The following SDK1 variants were observed in gnomAD, a reference collection of about 807,000 sequenced individuals.
SDK1 encodes sidekick cell adhesion molecule 1.
SDK1 carries 157 observed loss-of-function variants against 245.5 expected under a neutral mutation model. That is an observed-to-expected ratio of 0.64 (90% confidence interval 0.56 to 0.73). The LOEUF (loss-of-function observed/expected upper bound fraction) is 0.73. Ranked by LOEUF, SDK1 falls within the 30% of genes least tolerant of loss-of-function variation. The probability of loss-of-function intolerance (pLI) is 0.00; values close to 1 mark genes in which losing one functional copy is unlikely to be tolerated. For missense variants in SDK1, 3,583 were observed against 3,002.3 expected (o/e 1.19, Z -4.52); for synonymous variants, 1,647 against 1,278.5 (o/e 1.29, Z -6.15).
chr7:4,127,396 CT>C lies in SDK1; in HGVS notation c.3840del (p.Glu1281ArgfsTer15). Reference protein sequence around the residue: ...RTRESVPSAAPENVSAEAVSS... With the variant: ...RTRESVPSAAXENVSAEAVSS... ...TTCTTTGCAGTTCCTTCAGCCGCCC[CT>C]GAGAACGTGTCAGCCGAGGCTGTCA... On this transcript the variant is annotated frameshift_variant, in exon 26 of 45. Transcript: ENST00000404826. LOFTEE classifies it high-confidence loss of function. The C allele has an allele frequency of 1.2e-6, 2 of 1,614,172 alleles. No individual in the cohort carries two copies. Among genetic ancestry groups the C allele is most frequent in the African/African-American group, 1.3e-5 (1 of 75,060 alleles).
At chr7:4,188,826 T>C (rs1783032487) in intron 35 of SDK1, among the ~76,000 whole-genome samples, 1 of 152,246 alleles carries the variant, frequency 6.6e-6, no homozygotes, top group Admixed American at 6.5e-5. Context: ...TTTAATTGCT[T>C]TGTGGTGCGT....
At chr7:3,671,357 A>T (rs548098947) in intron 4 of SDK1, among the ~76,000 whole-genome samples, 1 of 152,316 alleles carries the variant, frequency 6.6e-6, no homozygotes, top group Admixed American at 6.5e-5. Flanking sequence ...TTTTAAACCA[A>T]TTTTTAAATA....
Position 4,208,199 on chromosome 7 carries a change from C to G in SDK1, c.5315C>G (p.Thr1772Ser). 1 of 1,614,048 alleles carries G rather than the reference C, an allele frequency of 6.2e-7. No homozygotes were observed. The highest frequency in any genetic ancestry group is 8.5e-7 in the Non-Finnish European group (1 of 1,179,936). ...AGGCTGAAGAACCTGACCAGCCATA[C>G]CAAGTACCTGGTCAGCATATCAGCC... ...VVRLKNLTSH[T>S]KYLVSISAFN... The change falls in exon 37 of 45, where the codon ACC becomes AGC. Residue 1772 changes from threonine to serine, a missense_variant. By Grantham distance (58) the Thr-to-Ser change is moderately conservative. Coordinates refer to ENST00000404826, the MANE Select transcript of SDK1 (RefSeq NM_152744.4).
chr7:3,443,451 G>A (rs1008043427), intron 1 of SDK1, among the ~76,000 whole-genome samples: 5 of 152,178 alleles, frequency 3.3e-5, no homozygotes, highest in African/African-American at 9.7e-5. Flanking sequence ...TGTCAGCCAT[G>A]CTAATAAAAT....
chr7:3,504,851 A>G (rs1443692392), intron 1 of SDK1, among the ~76,000 whole-genome samples: 1 of 152,094 alleles, frequency 6.6e-6, no homozygotes, highest in East Asian at 1.9e-4. Flanking sequence ...ACAGCCTGGC[A>G]GTTCCTGAAA....
intron 17 of SDK1, among the ~76,000 whole-genome samples, chr7:4,019,960 G>A (rs540299689): frequency 6.6e-6 from 1 of 152,130 alleles, no homozygotes; most frequent in African/African-American, 2.4e-5. Context: ...TCGGACTCCC[G>A]TGTGCTCAGT....
At chr7:3,485,125 G>A (rs1011383849) in intron 1 of SDK1, among the ~76,000 whole-genome samples, 2 of 152,054 alleles carry the variant, frequency 1.3e-5, no homozygotes, top group Non-Finnish European at 2.9e-5. Context: ...CACCAAGACC[G>A]TATGAACATT....
intron 4 of SDK1, among the ~76,000 whole-genome samples, chr7:3,794,026 A>G (rs763594568): frequency 6.6e-6 from 1 of 152,172 alleles, no homozygotes; most frequent in Non-Finnish European, 1.5e-5. Flanking sequence ...CAGACTTACC[A>G]CATGCCAAAT....
intron 5 of SDK1, among the ~76,000 whole-genome samples, chr7:3,881,854 C>A (rs375196661): frequency 1.4e-4 from 22 of 152,298 alleles, no homozygotes; most frequent in African/African-American, 5.3e-4. Flanking sequence ...GGTACAGCTT[C>A]CCTTCACATT....
chr7:3,363,640 C>G (rs1781011603), intron 1 of SDK1, among the ~76,000 whole-genome samples: 1 of 152,136 alleles, frequency 6.6e-6, no homozygotes, highest in South Asian at 2.1e-4. Flanking sequence ...TGTTCCACCT[C>G]ACGTCATCAG....
chr7:3,424,622 G>A (rs1779626143), intron 1 of SDK1, among the ~76,000 whole-genome samples: 1 of 152,106 alleles, frequency 6.6e-6, no homozygotes, highest in East Asian at 1.9e-4. Flanking sequence ...TACCGGCTAG[G>A]CACAGTGTTC....
chr7:3,470,779 G>T (rs1781160481), intron 1 of SDK1, among the ~76,000 whole-genome samples: 1 of 152,116 alleles, frequency 6.6e-6, no homozygotes. Context: ...AATTTTGAGA[G>T]AATGGCTTAG....
At chr7:3,822,846 A>G (rs1779679918) in intron 5 of SDK1, among the ~76,000 whole-genome samples, 1 of 151,984 alleles carries the variant, frequency 6.6e-6, no homozygotes, top group Non-Finnish European at 1.5e-5. Flanking sequence ...GAGGGGTACA[A>G]TTGCCTTAGG....
chr7:3,938,201 T>G (rs145291275), intron 5 of SDK1, among the ~76,000 whole-genome samples: 1 of 152,200 alleles, frequency 6.6e-6, no homozygotes. Flanking sequence ...TCTCAGCAAC[T>G]TTAGAATTCT....
chr7:3,458,940 C>G (rs1302643531), intron 1 of SDK1, among the ~76,000 whole-genome samples: 1 of 152,110 alleles, frequency 6.6e-6, no homozygotes, highest in African/African-American at 2.4e-5. Flanking sequence ...TTGTCTTGAT[C>G]ATTATTTAAT....
intron 1 of SDK1, among the ~76,000 whole-genome samples, chr7:3,550,205 A>G (rs1297018637): frequency 1.3e-5 from 2 of 152,216 alleles, no homozygotes; most frequent in Non-Finnish European, 1.5e-5. Context: ...TAATTGAGAT[A>G]GCACCAATTA....
In SDK1 at chr7:3,964,595, T is replaced by C. The variant is rs138531769; in HGVS notation, c.1429+1744T>C. Among the ~76,000 whole-genome samples, 221 of 152,304 alleles carry C rather than the reference T, an allele frequency of 1.5e-3. 1 individual carries two copies. The highest frequency in any genetic ancestry group is 5.1e-3 in the African/African-American group (211 of 41,566). ...TGAAAAATAAACTCAAGGTAAAGGT[T>C]TTCATTGTTTCTGTGGGTTTTCTTT... On this transcript the variant is annotated intron_variant, in intron 9 of 44. Coordinates refer to ENST00000404826, the MANE Select transcript of SDK1 (RefSeq NM_152744.4).
chr7:4,252,824 T>TCCC (rs34027141), intron 44 of SDK1, among the ~76,000 whole-genome samples: 1 of 145,098 alleles, frequency 6.9e-6, no homozygotes, highest in African/African-American at 2.6e-5. Context: ...TTATTCCGTT[T>TCCC]CCCCCCCCCT....
intron 40 of SDK1, among the ~76,000 whole-genome samples, chr7:4,231,462 A>T (rs375784926): frequency 3.3e-5 from 5 of 151,958 alleles, no homozygotes; most frequent in Admixed American, 2.6e-4. Context: ...AGACCCAGCT[A>T]TCCAGGAGAC....
Sources: gnomAD v4.1 joint callset for allele counts (sites outside exome capture counted in the v4.1 genomes callset) on GRCh38, gnomAD v4.1.1 for gene constraint, MANE v1.5 for transcripts, NCBI Gene and HGNC (gene_info 2026-07-23, HGNC 2026-07-21) for gene names.